Variants in SH3BGRL2 observed in about 807,000 individuals in gnomAD.
SH3BGRL2 encodes SH3 domain binding glutamate rich protein like 2.
In SH3BGRL2, 21 loss-of-function variants were observed where a neutral mutation model predicts 14.8. The observed-to-expected ratio is 1.42, with a 90% confidence interval of 1.01 to 2.05. SH3BGRL2 has a LOEUF of 2.05. SH3BGRL2 is among the 30% of genes most tolerant of loss of function. The pLI is 0.00. For missense variants in SH3BGRL2, 147 were observed against 130.8 expected, an observed-to-expected ratio of 1.12 and a Z score of -0.61; for synonymous variants, 50 against 47.8, an observed-to-expected ratio of 1.05 and a Z score of -0.19.
chr6:79,580,443 T>G, the SH3BGRL2 span, among the ~76,000 whole-genome samples: 1 of 152,146 alleles, frequency 6.6e-6, no homozygotes, highest in Non-Finnish European at 1.5e-5. Context: ...ACAAACTGTC[T>G]CTCAGACCAC....
rs1582740979 is a variant in SH3BGRL2, at chr6:79,693,264, C to G, written c.232-3221C>G. Among the ~76,000 whole-genome samples the G allele has an allele frequency of 6.6e-5, 10 of 152,244 alleles. No individual in the cohort carries two copies. In the South Asian group the frequency reaches 2.1e-3, roughly 32 times the overall value. On this transcript the variant is annotated intron_variant, in intron 2 of 3. Coordinates refer to ENST00000369838, the MANE Select transcript of SH3BGRL2 (RefSeq NM_031469.4). ...AGCTGAAGGAGATTTTGGGCTGAGA[C>G]AATGGGGTTTTCTAGATATACAATC...
intron 1 of SH3BGRL2, among the ~76,000 whole-genome samples, chr6:79,658,273 C>A (rs1357648031): frequency 1.3e-5 from 2 of 152,126 alleles, no homozygotes; most frequent in African/African-American, 4.8e-5. Flanking sequence ...ATCAGATATT[C>A]TAATGCTATC....
In SH3BGRL2 at chr6:79,699,495, T is replaced by TTTTGGG; in HGVS notation, c.313-3_313-2insTTTGGG. On this transcript the variant is annotated splice_polypyrimidine_tract_variant and splice_region_variant and intron_variant, in intron 3 of 3. Transcript: ENST00000369838. ...TTTTTTTTTTTTTTTTTTTTTTTTA[T>TTTTGGG]AGGCAGAACCTTAGAGAAGAAGAGT... 1 of 1,220,356 alleles carries TTTTGGG rather than the reference T, an allele frequency of 8.2e-7. No homozygotes were observed. The allele number at this position is 1,220,356 out of a possible 1,614,324, so 75.6% of individuals were successfully genotyped here.
chr6:79,553,789 T>C, the SH3BGRL2 span, among the ~76,000 whole-genome samples: 1 of 152,004 alleles, frequency 6.6e-6, no homozygotes, highest in South Asian at 2.1e-4. Context: ...CTGGCCAACA[T>C]GGTGAAACCC....
the SH3BGRL2 span, among the ~76,000 whole-genome samples, chr6:79,549,084 A>G: frequency 3.9e-5 from 6 of 152,212 alleles, no homozygotes; most frequent in Non-Finnish European, 8.8e-5. Flanking sequence ...TCTGTTTCCC[A>G]AAGTCTCCGT....
the SH3BGRL2 span, among the ~76,000 whole-genome samples, chr6:79,587,275 A>G: frequency 6.6e-6 from 1 of 152,198 alleles, no homozygotes; most frequent in African/African-American, 2.4e-5. Flanking sequence ...TTTAGAAAAA[A>G]AGATAATGCA....
At chr6:79,695,690 A>G (rs948976091) in intron 2 of SH3BGRL2, among the ~76,000 whole-genome samples, 1 of 152,232 alleles carries the variant, frequency 6.6e-6, no homozygotes, top group Non-Finnish European at 1.5e-5. Flanking sequence ...ATTTAATAAC[A>G]TAACATTTAT....
chr6:79,568,083 G>A, the SH3BGRL2 span, among the ~76,000 whole-genome samples: 1 of 152,246 alleles, frequency 6.6e-6, no homozygotes, highest in South Asian at 2.1e-4. Context: ...TGCTTGTGAA[G>A]GTTAGGGACA....
chr6:79,694,858 T>C lies in SH3BGRL2; in HGVS notation c.232-1627T>C, dbSNP rs114533642. ...CGGCTGCCACCATTGCTTACTGCAA[T>C]TGCCAAAGTACTCCCCTTTTTCCCC... On this transcript the variant is annotated intron_variant, in intron 2 of 3. Coordinates refer to ENST00000369838, the MANE Select transcript of SH3BGRL2 (RefSeq NM_031469.4). Among the ~76,000 whole-genome samples the C allele has an allele frequency of 6.4e-3, 968 of 152,288 alleles. 11 individuals carry two copies. Among genetic ancestry groups the C allele is most frequent in the African/African-American group, 0.021 (874 of 41,560 alleles).
At chr6:79,694,916 AT>A (rs1244723198) in intron 2 of SH3BGRL2, among the ~76,000 whole-genome samples, 1 of 151,904 alleles carries the variant, frequency 6.6e-6, no homozygotes, top group Non-Finnish European at 1.5e-5. Flanking sequence ...TTTTTGAGCC[AT>A]TCTCCGCACA....
At chr6:79,603,827 C>T in the SH3BGRL2 span, among the ~76,000 whole-genome samples, 2 of 152,110 alleles carry the variant, frequency 1.3e-5, no homozygotes, top group Non-Finnish European at 2.9e-5. Context: ...TGTTTTGAGA[C>T]AGAATCTTGC....
At chr6:79,577,487 G>GTT in the SH3BGRL2 span, among the ~76,000 whole-genome samples, 1 of 152,014 alleles carries the variant, frequency 6.6e-6, no homozygotes, top group Admixed American at 6.6e-5. Flanking sequence ...TTTATCCTTA[G>GTT]ACTAATCAAT....
At chr6:79,551,103 G>A in the SH3BGRL2 span, among the ~76,000 whole-genome samples, 1 of 152,154 alleles carries the variant, frequency 6.6e-6, no homozygotes, top group Non-Finnish European at 1.5e-5. Context: ...CCCAGGTGAA[G>A]GCCACTTTCT....
At chr6:79,591,933 T>A in the SH3BGRL2 span, among the ~76,000 whole-genome samples, 3 of 152,284 alleles carry the variant, frequency 2.0e-5, no homozygotes, top group Admixed American at 1.3e-4. Flanking sequence ...TTTAAAAATA[T>A]ATATTTAAGA....
At chr6:79,691,348 G>A (rs975950222) in intron 2 of SH3BGRL2, among the ~76,000 whole-genome samples, 7 of 149,734 alleles carry the variant, frequency 4.7e-5, no homozygotes, top group African/African-American at 1.7e-4. Context: ...GTTTTTTTTT[G>A]TTTTTTAAAT....
At chr6:79,575,806 C>T in the SH3BGRL2 span, among the ~76,000 whole-genome samples, 402 of 152,204 alleles carry the variant, frequency 2.6e-3, 7 homozygotes, top group Admixed American at 0.021. Context: ...TATCTATTCT[C>T]AAATTGAGTC....
chr6:79,575,897 C>T, the SH3BGRL2 span, among the ~76,000 whole-genome samples: 47 of 151,888 alleles, frequency 3.1e-4, no homozygotes, highest in African/African-American at 1.1e-3. Context: ...CTTTTTGCTC[C>T]CTGTCTTGCA....
the SH3BGRL2 span, among the ~76,000 whole-genome samples, chr6:79,590,167 C>G: frequency 6.6e-6 from 1 of 151,848 alleles, no homozygotes; most frequent in Non-Finnish European, 1.5e-5. Flanking sequence ...GCTGGCGAGG[C>G]TGTGGAGAAA....
intron 1 of SH3BGRL2, among the ~76,000 whole-genome samples, chr6:79,658,486 G>T (rs1009912174): frequency 5.9e-5 from 9 of 152,068 alleles, no homozygotes; most frequent in African/African-American, 2.2e-4. Flanking sequence ...CCTTTTTTAT[G>T]GCTGCATAGT....
Sources: gnomAD v4.1 joint callset for allele counts (sites outside exome capture counted in the v4.1 genomes callset) on GRCh38, gnomAD v4.1.1 for gene constraint, MANE v1.5 for transcripts, NCBI Gene and HGNC (gene_info 2026-07-23, HGNC 2026-07-21) for gene names.